CCNF: variants seen among roughly 807,000 people sequenced by gnomAD.
CCNF encodes the protein cyclin F.
In CCNF, 30 loss-of-function variants were observed where a neutral mutation model predicts 85.4. The observed-to-expected ratio is 0.35, with a 90% CI of 0.26 to 0.48. The LOEUF is 0.48. Ranked by LOEUF, CCNF falls within the 20% of genes least tolerant of loss-of-function variation. The probability of loss-of-function intolerance (pLI) is 0.99; values close to 1 mark genes in which losing one functional copy is unlikely to be tolerated. For missense variants in CCNF, 919 were observed against 1,010.4 expected (o/e 0.91, Z 1.23); for synonymous variants, 439 against 425.1 (o/e 1.03, Z -0.40).
intron 10 of CCNF, among the ~76,000 whole-genome samples, 186 bp from the exon 11 acceptor site, chr16:2,448,668 TC>T (rs974444565): frequency 6.6e-6 from 1 of 152,144 alleles, no homozygotes; most frequent in African/African-American, 2.4e-5. Context: ...TGCCTGGGCC[TC>T]CCCTTTTTTA....
intron 8 of CCNF, among the ~76,000 whole-genome samples, chr16:2,443,022 G>A (rs2065340253): frequency 9.5e-6 from 1 of 105,200 alleles, no homozygotes; most frequent in South Asian, 2.6e-4. Flanking sequence ...TATATTATAT[G>A]TTCTATAATA....
intron 6 of CCNF, 25 bp from the exon 7 acceptor site, chr16:2,439,328 T>G (rs1273232096): frequency 6.5e-7 from 1 of 1,527,762 alleles, no homozygotes; most frequent in East Asian, 2.3e-5. Flanking sequence ...AAGGGAACAA[T>G]GAACTCTGCT....
intron 10 of CCNF, 58 bp downstream of exon 10, chr16:2,445,680 G>T: frequency 1.3e-6 from 2 of 1,517,856 alleles, no homozygotes; most frequent in Non-Finnish European, 1.8e-6. Flanking sequence ...CGGGTTCAGG[G>T]TCACCTGCCC....
rs56025006 is a variant in CCNF, at chr16:2,450,509, CAA to C, written c.1487+609_1487+610del. ...CCAGGCAACGAGTGAAACTCCATCT[CAA>C]AAAAAAAAAAAAAAGTTCCAGTAGT... On this transcript the variant is annotated intron_variant, in intron 13 of 16. Coordinates refer to ENST00000397066, the MANE Select transcript of CCNF (RefSeq NM_001761.3). 4.3e-3 allele frequency among the ~76,000 whole-genome samples: 572 copies of C among 132,640 alleles called. 1 individual carries two copies. The highest frequency in any genetic ancestry group is 5.3e-3 in the Non-Finnish European group (334 of 62,666). The allele number at this position is 132,640 out of a possible 152,430, so 87.0% of individuals were successfully genotyped here.
At chr16:2,441,308 A>T (rs2065319958) in intron 8 of CCNF, among the ~76,000 whole-genome samples, 1 of 152,044 alleles carries the variant, frequency 6.6e-6, no homozygotes, top group South Asian at 2.1e-4. Context: ...AGGCAGGAGG[A>T]TCACTTGAGC....
chr16:2,434,755 C>T (rs769146199), intron 3 of CCNF, among the ~76,000 whole-genome samples: 18 of 152,250 alleles, frequency 1.2e-4, no homozygotes, highest in Non-Finnish European at 2.6e-4. Flanking sequence ...TCAGCAGTCA[C>T]TTCCCATTTT....
intron 3 of CCNF, among the ~76,000 whole-genome samples, chr16:2,434,626 GTAAA>G (rs1213959513): frequency 1.3e-5 from 2 of 152,066 alleles, no homozygotes; most frequent in East Asian, 1.9e-4. Context: ...AAATAAATAA[GTAAA>G]TAAATAAATA....
intron 13 of CCNF, among the ~76,000 whole-genome samples, chr16:2,450,984 T>C (rs1278534074): frequency 6.6e-6 from 1 of 152,222 alleles, no homozygotes; most frequent in Non-Finnish European, 1.5e-5. Context: ...ACCCCCTGTC[T>C]GCCCCAGCCC....
Position 2,445,668 on chromosome 16 carries a change from C to T in CCNF, c.1094+46C>T, listed in dbSNP as rs893651040. The T allele has an allele frequency of 3.8e-6, 6 of 1,580,444 alleles. No individual in the cohort carries two copies. In the Admixed American group the frequency reaches 6.9e-5, roughly 18 times the overall value. On this transcript the variant is annotated intron_variant, in intron 10 of 16. Coordinates refer to ENST00000397066, the MANE Select transcript of CCNF (RefSeq NM_001761.3). ...AGCTGGCAGGGACGTGCTGGCCTTT[C>T]CCGGGTTCAGGGTCACCTGCCCTTC...
intron 9 of CCNF, among the ~76,000 whole-genome samples, chr16:2,444,866 T>G (rs913475155): frequency 6.6e-6 from 1 of 151,000 alleles, no homozygotes; most frequent in African/African-American, 2.4e-5. Context: ...CACAGTGCAG[T>G]GATCTTTTTT....
rs766378210 is a variant in CCNF, at chr16:2,437,166, C to A, written c.384C>A (p.Gly128=). The change falls in exon 5 of 17, where the codon GGC becomes GGA. Residue 128 remains glycine (G), a synonymous_variant. Transcript: ENST00000397066. ...ATGAGGCCCGCGCAGAAGTGAATGG[C>A]CTGAAGGCCTCTCGCTTCTTCAGTC... ...VSDEARAEVN[G]LKASRFFSLA... is the part of the protein sequence containing the mutation. The A allele has an allele frequency of 2.9e-5, 46 of 1,609,978 alleles. No homozygotes were observed. The South Asian group carries it at 4.9e-4, about 17-fold the overall frequency.
rs2065434533 is a variant in CCNF, at chr16:2,457,205, GA to G, written c.*186del. 1 of 558,420 alleles carries G rather than the reference GA, an allele frequency of 1.8e-6. No individual in the cohort carries two copies. The highest frequency in any genetic ancestry group is 1.9e-5 in the African/African-American group (1 of 53,122). 34.6% of individuals were successfully genotyped at this position (558,420 alleles called of 1,614,324 possible). ...GTGCAAGCCATCAGAATGTTGAAAT[GA>G]GGGTGAAGAGCTCAGATCCCTCTCT... is the stretch of plus-strand genomic sequence containing the variant. On this transcript the variant is annotated 3_prime_UTR_variant, in exon 17 of 17. Transcript: ENST00000397066.
chr16:2,436,020 G>A, intron 4 of CCNF, 147 bp downstream of exon 4: 1 of 554,222 alleles, frequency 1.8e-6, no homozygotes, highest in Non-Finnish European at 3.3e-6. Flanking sequence ...AGGAGCTCGT[G>A]CCCAGATGTA....
intron 1 of CCNF, 81 bp from the exon 2 acceptor site, chr16:2,431,049 T>G: frequency 1.4e-6 from 2 of 1,409,732 alleles, no homozygotes; most frequent in Non-Finnish European, 2.0e-6. Flanking sequence ...ATGTAACTTT[T>G]ATCCTTTTTT....
chr16:2,437,011 C>T (rs2141817333), intron 4 of CCNF, 118 bp from the exon 5 acceptor site: 1 of 785,016 alleles, frequency 1.3e-6, no homozygotes, highest in Non-Finnish European at 1.9e-6. Flanking sequence ...TCCTGAAACA[C>T]AGCTGCTTTG....
In CCNF at chr16:2,456,726, C is replaced by A; in HGVS notation, c.2067C>A (p.Thr689=). The change falls in exon 17 of 17, where the codon ACC becomes ACA. Residue 689 remains threonine (T), a synonymous_variant. Transcript: ENST00000397066. This position sits in a 1 kb window ranked among gnomAD's most constrained non-coding sequence, Gnocchi z 4.5. ...ATPGPKPLVR[T]SREPGKDVTT... ...CTGGACCCAAACCCCTGGTCCGCAC[C>A]AGCCGGGAGCCAGGGAAGGACGTCA... 1 of 1,612,440 alleles carries A rather than the reference C, an allele frequency of 6.2e-7. No individual in the cohort carries two copies. Among genetic ancestry groups the A allele is most frequent in the Middle Eastern group, 1.7e-4 (1 of 6,058 alleles).
At position 2,451,756 on chromosome 16, in the gene CCNF, C is replaced by T. The variant is rs541580901; in HGVS notation, c.1488-1454C>T. 5.3e-5 allele frequency among the ~76,000 whole-genome samples: 8 copies of T among 152,318 alleles called. No individual in the cohort carries two copies. The highest frequency in any genetic ancestry group is 1.9e-4 in the East Asian group (1 of 5,180). On this transcript the variant is annotated intron_variant, in intron 13 of 16. Coordinates refer to ENST00000397066, the MANE Select transcript of CCNF (RefSeq NM_001761.3). The surrounding 1 kb of genome is among the most constrained non-coding windows in gnomAD (Gnocchi z 4.3). ...AGCATTACGCTGACCCTCCCTCCCT[C>T]GGGGGCTTCGGCTTCCTGCCCTAGG...
chr16:2,434,928 G>A (rs1370157490), intron 3 of CCNF, among the ~76,000 whole-genome samples: 1 of 152,164 alleles, frequency 6.6e-6, no homozygotes, highest in African/African-American at 2.4e-5. Context: ...GTCATAGCAT[G>A]TAATGGATAA....
Position 2,438,062 on chromosome 16 carries a change from T to G in CCNF, c.541-8T>G. 1 of 1,606,284 alleles carries G rather than the reference T, an allele frequency of 6.2e-7. No individual in the cohort carries two copies. The highest frequency in any genetic ancestry group is 1.1e-5 in the South Asian group (1 of 90,918). ...TGGAAATCACACTTCTTTCTCCTTT[T>G]TTTAAAGACTCACAAAGCATCCATA... On this transcript the variant is annotated splice_region_variant and splice_polypyrimidine_tract_variant and intron_variant, in intron 5 of 16. Coordinates refer to ENST00000397066, the MANE Select transcript of CCNF (RefSeq NM_001761.3).
Sources: gnomAD v4.1 joint callset for allele counts (sites outside exome capture counted in the v4.1 genomes callset) on GRCh38, gnomAD v4.1.1 for gene constraint, Gnocchi (gnomAD v3.1) non-coding constraint, MANE v1.5 for transcripts, NCBI Gene and HGNC (gene_info 2026-07-23, HGNC 2026-07-21) for gene names.